Variants in TLN2 observed in about 807,000 individuals in gnomAD.
TLN2 encodes talin-2.
TLN2 carries 118 observed loss-of-function variants against 294.7 expected under a neutral mutation model. The ratio of observed to expected loss-of-function variants is 0.40; its 90% CI spans 0.34 to 0.47. TLN2 has a LOEUF of 0.47. Among genes scored for constraint, TLN2 ranks in the 20% least tolerant of loss-of-function variants. The pLI is 0.84. For synonymous variants in TLN2, 1,431 were observed against 1,304.5 expected (o/e 1.10, Z -2.09); for missense variants, 3,083 against 3,282.2 (o/e 0.94, Z 1.48).
intron 16 of TLN2, among the ~76,000 whole-genome samples, chr15:62,699,289 TGTTA>T (rs2058562654): frequency 6.6e-6 from 1 of 152,198 alleles, no homozygotes; most frequent in African/African-American, 2.4e-5. Flanking sequence ...ATTAGCTGTT[TGTTA>T]GTTTTATTGC....
chr15:62,788,679 G>A (rs1473681816), intron 45 of TLN2, among the ~76,000 whole-genome samples: 1 of 152,222 alleles, frequency 6.6e-6, no homozygotes, highest in East Asian at 1.9e-4. Flanking sequence ...ATAAGCGAAT[G>A]TTCCAAGTAA....
intron 52 of TLN2, among the ~76,000 whole-genome samples, chr15:62,812,378 G>A (rs2066757619): frequency 6.6e-6 from 1 of 152,164 alleles, no homozygotes; most frequent in Admixed American, 6.5e-5. Context: ...CCTCAGGTTG[G>A]CAATCTGTAC....
At chr15:62,417,760 CA>C (rs1270997225) in intron 1 of TLN2, among the ~76,000 whole-genome samples, 2 of 152,160 alleles carry the variant, frequency 1.3e-5, no homozygotes, top group Non-Finnish European at 2.9e-5. Flanking sequence ...GCCTGTGGAC[CA>C]GGGGGCATTG....
intron 42 of TLN2, among the ~76,000 whole-genome samples, chr15:62,772,459 C>T (rs534980868): frequency 5.9e-5 from 9 of 152,140 alleles, no homozygotes; most frequent in African/African-American, 9.6e-5. Flanking sequence ...GATGGAGAAA[C>T]GATAGGGTGC....
At chr15:62,615,146 T>G (rs1386053931) in intron 2 of TLN2, among the ~76,000 whole-genome samples, 1 of 152,188 alleles carries the variant, frequency 6.6e-6, no homozygotes, top group African/African-American at 2.4e-5. Context: ...ATTTAAAAGA[T>G]ATTTGAAAAG....
At chr15:62,733,492 A>G (rs562806374) in intron 28 of TLN2, among the ~76,000 whole-genome samples, 7 of 152,302 alleles carry the variant, frequency 4.6e-5, no homozygotes, top group East Asian at 1.9e-4. Context: ...TGTTTGGCCA[A>G]TGCAGTCTTC....
At chr15:62,605,705 G>A (rs1040917997) in intron 2 of TLN2, among the ~76,000 whole-genome samples, 3 of 152,172 alleles carry the variant, frequency 2.0e-5, no homozygotes, top group Admixed American at 6.5e-5. Context: ...TCTTCCTTGT[G>A]ACTCGGTTGA....
chr15:62,769,687 C>T (rs2063230555), intron 41 of TLN2, among the ~76,000 whole-genome samples: 1 of 152,106 alleles, frequency 6.6e-6, no homozygotes, highest in Non-Finnish European at 1.5e-5. Context: ...TCCTGCTGGC[C>T]CAGTGACTGC....
intron 1 of TLN2, among the ~76,000 whole-genome samples, chr15:62,467,654 C>T (rs2037216304): frequency 6.6e-6 from 1 of 151,296 alleles, no homozygotes; most frequent in African/African-American, 2.4e-5. Flanking sequence ...CATTGCACTC[C>T]AGCCTGGGTG....
intron 57 of TLN2, among the ~76,000 whole-genome samples, chr15:62,836,444 G>A (rs879666222): frequency 5.3e-5 from 8 of 152,206 alleles, no homozygotes; most frequent in Non-Finnish European, 1.0e-4. Context: ...CCCATCACAT[G>A]GTGCTACTGT....
intron 54 of TLN2, 62 bp from the exon 55 acceptor site, chr15:62,833,442 T>G (rs563314834): frequency 6.3e-7 from 1 of 1,583,612 alleles, no homozygotes; most frequent in African/African-American, 1.3e-5. Context: ...AGTAAGTAGT[T>G]TGGAAGAAAG....
At chr15:62,642,635 T>A (rs1454079577) in intron 3 of TLN2, among the ~76,000 whole-genome samples, 41 of 152,224 alleles carry the variant, frequency 2.7e-4, no homozygotes, top group Admixed American at 2.6e-3. Flanking sequence ...TCTACATTTC[T>A]AGGTTGCTAT....
intron 19 of TLN2, among the ~76,000 whole-genome samples, chr15:62,703,352 G>A (rs759446261): frequency 5.9e-5 from 9 of 151,888 alleles, no homozygotes; most frequent in Non-Finnish European, 1.2e-4. Flanking sequence ...TGCCCGTCTC[G>A]GCCTCCCAAA....
At chr15:62,429,967 T>C (rs1448913167) in intron 1 of TLN2, among the ~76,000 whole-genome samples, 2 of 152,232 alleles carry the variant, frequency 1.3e-5, no homozygotes, top group Admixed American at 1.3e-4. Flanking sequence ...GGAGACTTCC[T>C]GAGAGACCTG....
At chr15:62,548,386 G>A (rs766994380) in intron 1 of TLN2, among the ~76,000 whole-genome samples, 11 of 152,148 alleles carry the variant, frequency 7.2e-5, no homozygotes, top group Non-Finnish European at 1.6e-4. Context: ...ACATCATAAC[G>A]CTTTGGATGA....
At chr15:62,504,602 C>T (rs1481277368) in intron 1 of TLN2, among the ~76,000 whole-genome samples, 1 of 152,168 alleles carries the variant, frequency 6.6e-6, no homozygotes, top group Non-Finnish European at 1.5e-5. Context: ...ACAAGTGATG[C>T]TGAAACAGTT....
intron 1 of TLN2, among the ~76,000 whole-genome samples, chr15:62,472,962 C>T (rs968767691): frequency 1.2e-4 from 18 of 152,162 alleles, no homozygotes; most frequent in Admixed American, 6.5e-4. Context: ...TTCTTTGCTC[C>T]TTTCTTAGCT....
intron 20 of TLN2, among the ~76,000 whole-genome samples, chr15:62,707,654 A>G (rs920173081): frequency 6.6e-6 from 1 of 152,088 alleles, no homozygotes; most frequent in African/African-American, 2.4e-5. Context: ...GGGGATTTTA[A>G]TTGTTGCCAG....
intron 1 of TLN2, among the ~76,000 whole-genome samples, chr15:62,521,735 G>T (rs992191194): frequency 3.3e-5 from 5 of 152,142 alleles, no homozygotes; most frequent in African/African-American, 1.2e-4. Flanking sequence ...GAAAGGCCTG[G>T]CTGCATTAAT....
Sources: allele counts gnomAD v4.1 joint callset (sites outside exome capture counted in the v4.1 genomes callset), GRCh38; gene constraint gnomAD v4.1.1; transcripts MANE v1.5; gene names NCBI Gene and HGNC (gene_info 2026-07-23, HGNC 2026-07-21).